The following ACBD6 variants were observed in gnomAD, a reference collection of about 807,000 sequenced individuals.
The protein encoded by ACBD6 is acyl-CoA-binding domain-containing protein 6.
In ACBD6, 28 loss-of-function variants were observed where a neutral mutation model predicts 37.2. That is an observed-to-expected ratio of 0.75 (90% CI 0.56 to 1.03). The LOEUF is 1.03. ACBD6 is among the 50% of genes least tolerant of loss of function. ACBD6 has a pLI of 0.00. For missense variants in ACBD6, 340 were observed against 337.4 expected, an observed-to-expected ratio of 1.01 and a Z score of -0.06; for synonymous variants, 113 against 126.8, an observed-to-expected ratio of 0.89 and a Z score of 0.73.
intron 6 of ACBD6, among the ~76,000 whole-genome samples, chr1:180,381,733 A>G (rs1355994973): frequency 6.6e-6 from 1 of 152,214 alleles, no homozygotes; most frequent in African/African-American, 2.4e-5. Context: ...TTAAGAAGGA[A>G]GTTTATAGCA....
In ACBD6 at chr1:180,451,998, G is replaced by A. The variant is rs180884232; in HGVS notation, c.385-21736C>T. ...CTATCTGAACAACCTGCTCCTGAAT[G>A]ACTAATGGGTAAATAATGAAATTAA... On this transcript the variant is annotated intron_variant, in intron 3 of 7. Coordinates refer to ENST00000367595, the MANE Select transcript of ACBD6 (RefSeq NM_032360.4). Among the ~76,000 whole-genome samples the A allele has an allele frequency of 3.9e-3, 596 of 152,276 alleles. 5 individuals carry two copies. Among genetic ancestry groups the A allele is most frequent in the African/African-American group, 0.014 (566 of 41,538 alleles).
intron 3 of ACBD6, among the ~76,000 whole-genome samples, chr1:180,474,116 A>G (rs1243878400): frequency 6.6e-6 from 1 of 152,214 alleles, no homozygotes; most frequent in Non-Finnish European, 1.5e-5. Context: ...TTACTGAATT[A>G]AAGACCACTT....
intron 3 of ACBD6, among the ~76,000 whole-genome samples, chr1:180,468,110 C>T (rs1650420287): frequency 1.3e-5 from 2 of 152,252 alleles, no homozygotes; most frequent in South Asian, 2.1e-4. Flanking sequence ...AGGATCTTTT[C>T]CAGTCAGGCT....
chr1:180,315,499 C>T (rs548931723), intron 6 of ACBD6, among the ~76,000 whole-genome samples: 15 of 152,116 alleles, frequency 9.9e-5, no homozygotes, highest in South Asian at 2.1e-4. Context: ...TATGCATGGC[C>T]GTCATGCCCC....
intron 6 of ACBD6, among the ~76,000 whole-genome samples, chr1:180,379,234 A>G (rs191440893): frequency 3.3e-5 from 5 of 152,342 alleles, no homozygotes; most frequent in Admixed American, 3.3e-4. Context: ...AACACCATAG[A>G]TATATCTGTA....
At chr1:180,408,197 G>C (rs1181693857) in intron 5 of ACBD6, among the ~76,000 whole-genome samples, 1 of 152,176 alleles carries the variant, frequency 6.6e-6, no homozygotes, top group Non-Finnish European at 1.5e-5. Context: ...AAAGCTGACT[G>C]ATACACACAA....
At chr1:180,420,497 C>G (rs957640975) in intron 4 of ACBD6, among the ~76,000 whole-genome samples, 1 of 152,120 alleles carries the variant, frequency 6.6e-6, no homozygotes, top group Admixed American at 6.5e-5. Context: ...GTGTAATGAG[C>G]CTTAAAGGTC....
At chr1:180,325,909 C>A (rs936319796) in intron 6 of ACBD6, among the ~76,000 whole-genome samples, 12 of 152,174 alleles carry the variant, frequency 7.9e-5, no homozygotes, top group Non-Finnish European at 1.5e-4. Context: ...CCACTTGGAT[C>A]CTGGGGTGGA....
Position 180,459,832 on chromosome 1 carries a change from T to C in ACBD6, c.385-29570A>G, listed in dbSNP as rs371261867. On this transcript the variant is annotated intron_variant, in intron 3 of 7. Transcript: ENST00000367595. ...TTACAAAGGGAAAATATCAAACACA[T>C]ATGACCTCAAAAAAACATTTAAAAC... Among the ~76,000 whole-genome samples, 113 of 152,116 alleles carry C rather than the reference T, an allele frequency of 7.4e-4. 4 individuals are homozygous for C. In the South Asian group the frequency reaches 0.023, roughly 31 times the overall value.
chr1:180,474,160 A>G (rs1446767748), intron 3 of ACBD6, among the ~76,000 whole-genome samples: 1 of 152,184 alleles, frequency 6.6e-6, no homozygotes, highest in Non-Finnish European at 1.5e-5. Context: ...TTTATTCATA[A>G]TTCTGCTAAT....
At chr1:180,398,585 G>C (rs12083900) in intron 5 of ACBD6, among the ~76,000 whole-genome samples, 15,838 of 152,150 alleles carry the variant, frequency 0.1, 1,181 homozygotes, top group African/African-American at 0.2. Flanking sequence ...AGGAGATAAA[G>C]TACTAAATAT....
At chr1:180,483,135 C>T (rs1166724672) in intron 3 of ACBD6, among the ~76,000 whole-genome samples, 1 of 152,128 alleles carries the variant, frequency 6.6e-6, no homozygotes, top group Non-Finnish European at 1.5e-5. Context: ...CATATACATT[C>T]AGTCCTTATT....
intron 5 of ACBD6, among the ~76,000 whole-genome samples, chr1:180,405,101 G>A (rs1200062681): frequency 1.3e-5 from 2 of 152,118 alleles, no homozygotes; most frequent in African/African-American, 2.4e-5. Flanking sequence ...GATATAGAAA[G>A]TGATTTAAGA....
At chr1:180,271,503 C>G in exon 14 of ACBD6, 1 of 1,614,176 alleles carries the variant, frequency 6.2e-7, no homozygotes. Context: ...CAGCTGTCCT[C>G]AGAGACAGGC....
intron 3 of ACBD6, among the ~76,000 whole-genome samples, chr1:180,437,885 C>T (rs1349991392): frequency 6.6e-6 from 1 of 152,102 alleles, no homozygotes; most frequent in Non-Finnish European, 1.5e-5. Flanking sequence ...GTAGATTGTT[C>T]CAGCCATAGG....
At chr1:180,339,202 A>T (rs1365285674) in intron 6 of ACBD6, among the ~76,000 whole-genome samples, 1 of 152,258 alleles carries the variant, frequency 6.6e-6, no homozygotes, top group Non-Finnish European at 1.5e-5. Context: ...AAGGAGTATA[A>T]ATCATGCTGC....
chr1:180,337,933 C>G (rs1315205120), intron 6 of ACBD6, among the ~76,000 whole-genome samples: 1 of 152,148 alleles, frequency 6.6e-6, no homozygotes, highest in African/African-American at 2.4e-5. Flanking sequence ...CCTAGGAATA[C>G]AACTTACAAG....
chr1:180,274,970 A>C, exon 10 of ACBD6: 1 of 179,354 alleles, frequency 5.6e-6, no homozygotes, highest in Non-Finnish European at 1.2e-5. Context: ...ATGCCTCCCA[A>C]AACACTGCTC....
Position 180,271,639 on chromosome 1 carries a change from G to A in ACBD6, c.*1586C>T. ...TCACGGGTGGTTGGGCTCAGGGCTT[G>A]ACCCCAGGGCTTTTGCCAGAACTGA... On this transcript the variant is annotated 3_prime_UTR_variant, in exon 14 of 14. Coordinates refer to the ACBD6 transcript ENST00000642319. 1.4e-6 allele frequency: 2 copies of A among 1,469,242 alleles called. 1 individual carries two copies. The highest frequency in any genetic ancestry group is 4.4e-4 in the Middle Eastern group (2 of 4,534). The allele number at this position is 1,469,242 out of a possible 1,614,324, so 91.0% of individuals were successfully genotyped here.
Sources: allele counts gnomAD v4.1 joint callset (sites outside exome capture counted in the v4.1 genomes callset), GRCh38; gene constraint gnomAD v4.1.1; transcripts MANE v1.5; gene names NCBI Gene and HGNC (gene_info 2026-07-23, HGNC 2026-07-21).